The following CSMD1 variants were observed in gnomAD, a reference collection of about 807,000 sequenced individuals.
CSMD1 encodes CUB and sushi domain-containing protein 1.
CSMD1 carries 213 observed loss-of-function variants against 417.5 expected under a neutral mutation model. The ratio of observed to expected loss-of-function variants is 0.51; its 90% CI spans 0.46 to 0.57. The LOEUF (loss-of-function observed/expected upper bound fraction) is 0.57. CSMD1 is among the 20% of genes least tolerant of loss of function. CSMD1 has a pLI of 0.00. For synonymous variants in CSMD1, 2,862 were observed against 1,736.8 expected, an observed-to-expected ratio of 1.65 and a Z score of -16.11; for missense variants, 6,923 against 4,529.7, an observed-to-expected ratio of 1.53 and a Z score of -15.17.
chr8:3,487,691 C>A (rs761944551), intron 11 of CSMD1, among the ~76,000 whole-genome samples: 1 of 152,120 alleles, frequency 6.6e-6, no homozygotes, highest in African/African-American at 2.4e-5. Flanking sequence ...TGCCTACAAA[C>A]ACATTGTCAA....
chr8:3,713,454 G>T (rs112680744), intron 6 of CSMD1, among the ~76,000 whole-genome samples: 53 of 152,176 alleles, frequency 3.5e-4, no homozygotes, highest in Admixed American at 3.0e-3. Flanking sequence ...GCCCTCCTCT[G>T]TAGCCCCTGG....
intron 1 of CSMD1, among the ~76,000 whole-genome samples, chr8:4,830,361 T>C (rs1056299703): frequency 8.5e-5 from 13 of 152,264 alleles, no homozygotes; most frequent in South Asian, 4.1e-4. Flanking sequence ...TTAGAGATAA[T>C]TGATGGCTGT....
At position 3,107,761 on chromosome 8, in the gene CSMD1, A is replaced by G; in HGVS notation, c.6792T>C (p.Val2264=). The G allele has an allele frequency of 6.3e-7, 1 of 1,592,308 alleles. No individual in the cohort carries two copies. Among genetic ancestry groups the G allele is most frequent in the Non-Finnish European group, 8.5e-7 (1 of 1,173,298 alleles). ...QLKKCQPPPA[V]PQAEMLTEDD... is the part of the protein sequence containing the mutation. ...CCTCAGTAAGCATTTCTGCCTGTGG[A>G]ACCGCTGGGGGAGGTTGACATTTCT... is the stretch of plus-strand genomic sequence containing the variant. The change falls in exon 45 of 70, where the codon GTT becomes GTC. Residue 2264 remains valine (V), a synonymous_variant. Coordinates refer to ENST00000635120, the MANE Select transcript of CSMD1 (RefSeq NM_033225.6).
chr8:3,804,221 T>TAC (rs1760579170), intron 5 of CSMD1, among the ~76,000 whole-genome samples: 1 of 152,056 alleles, frequency 6.6e-6, no homozygotes, highest in African/African-American at 2.4e-5. Context: ...TGTGAGCCAC[T>TAC]ACACCAAGCC....
At chr8:4,445,959 T>C (rs567327971) in intron 2 of CSMD1, among the ~76,000 whole-genome samples, 12 of 152,046 alleles carry the variant, frequency 7.9e-5, no homozygotes, top group Non-Finnish European at 1.8e-4. Context: ...GGTGTTGAGG[T>C]AGACGAAAGG....
chr8:3,959,890 C>T (rs1312422724), intron 5 of CSMD1, among the ~76,000 whole-genome samples: 2 of 152,184 alleles, frequency 1.3e-5, no homozygotes, highest in Admixed American at 6.5e-5. Flanking sequence ...TGCCTTCATT[C>T]CTTTTATTAT....
chr8:3,447,978 C>A (rs1242926853), intron 12 of CSMD1, among the ~76,000 whole-genome samples: 2 of 152,102 alleles, frequency 1.3e-5, no homozygotes, highest in African/African-American at 2.4e-5. Context: ...GAAAAGAAAG[C>A]AGAGCTGAGG....
At chr8:4,270,189 G>A (rs532627929) in intron 3 of CSMD1, among the ~76,000 whole-genome samples, 1 of 152,184 alleles carries the variant, frequency 6.6e-6, no homozygotes, top group Non-Finnish European at 1.5e-5. Context: ...GAAAGGAGTT[G>A]ACATAGCCGC....
intron 2 of CSMD1, among the ~76,000 whole-genome samples, chr8:4,440,254 T>C (rs1798389865): frequency 6.6e-6 from 1 of 152,188 alleles, no homozygotes; most frequent in Non-Finnish European, 1.5e-5. Context: ...ATACATATTG[T>C]ATATATTTAT....
intron 7 of CSMD1, among the ~76,000 whole-genome samples, chr8:3,623,262 C>T (rs879494350): frequency 1.3e-5 from 2 of 152,170 alleles, no homozygotes; most frequent in Admixed American, 1.3e-4. Flanking sequence ...AACCTTGTGA[C>T]TCTGCAGGGC....
chr8:4,514,256 G>A (rs574518337), intron 2 of CSMD1, among the ~76,000 whole-genome samples: 3 of 151,988 alleles, frequency 2.0e-5, no homozygotes, highest in South Asian at 2.1e-4. Context: ...CTTTTTATAC[G>A]GATATAAATC....
intron 3 of CSMD1, among the ~76,000 whole-genome samples, chr8:4,324,215 T>C (rs1029012260): frequency 6.6e-6 from 1 of 152,350 alleles, no homozygotes; most frequent in Admixed American, 6.5e-5. Flanking sequence ...TCGGAATGTA[T>C]GATGCATCTG....
chr8:3,486,902 A>G (rs1818069677), intron 11 of CSMD1, among the ~76,000 whole-genome samples: 1 of 152,178 alleles, frequency 6.6e-6, no homozygotes, highest in Admixed American at 6.5e-5. Context: ...GTGTCCAGAG[A>G]GATCTGGCAA....
intron 39 of CSMD1, among the ~76,000 whole-genome samples, chr8:3,154,192 C>T (rs1381801438): frequency 2.0e-5 from 3 of 152,194 alleles, no homozygotes; most frequent in Non-Finnish European, 2.9e-5. Context: ...AGGCTGGTCT[C>T]GAACTCCTGA....
chr8:3,095,616 G>C (rs779899518), intron 47 of CSMD1, among the ~76,000 whole-genome samples: 3 of 152,078 alleles, frequency 2.0e-5, no homozygotes, highest in Admixed American at 6.5e-5. Flanking sequence ...ACTCAGTAAA[G>C]TGAATACAAA....
chr8:4,628,389 T>C (rs991994970), intron 2 of CSMD1, among the ~76,000 whole-genome samples: 3 of 137,656 alleles, frequency 2.2e-5, no homozygotes, highest in East Asian at 4.0e-4. Flanking sequence ...TACACACATA[T>C]ATATACACAT....
chr8:3,673,364 C>G (rs543338805), intron 7 of CSMD1, among the ~76,000 whole-genome samples: 5 of 152,240 alleles, frequency 3.3e-5, no homozygotes, highest in Admixed American at 2.0e-4. Flanking sequence ...TTTCATGATT[C>G]AGTATTGGAA....
chr8:4,283,922 C>T (rs913692887), intron 3 of CSMD1, among the ~76,000 whole-genome samples: 1 of 152,140 alleles, frequency 6.6e-6, no homozygotes, highest in Admixed American at 6.5e-5. Context: ...GTTTGCAAAT[C>T]TGGACACACC....
chr8:4,806,415 A>C (rs1258156817), intron 1 of CSMD1, among the ~76,000 whole-genome samples: 5 of 152,052 alleles, frequency 3.3e-5, no homozygotes, highest in Non-Finnish European at 7.4e-5. Flanking sequence ...TTTGCCATAA[A>C]AGTCCCCTGG....
Sources: gnomAD v4.1 joint callset for allele counts (sites outside exome capture counted in the v4.1 genomes callset) on GRCh38, gnomAD v4.1.1 for gene constraint, MANE v1.5 for transcripts, NCBI Gene and HGNC (gene_info 2026-07-23, HGNC 2026-07-21) for gene names.